Variants in AJAP1 observed in about 807,000 individuals in gnomAD.
The protein encoded by AJAP1 is adherens junctions associated protein 1.
A neutral mutation model predicts 35.0 loss-of-function variants in AJAP1; 5 were observed. That is an observed-to-expected ratio of 0.14 (90% CI 0.07 to 0.30). The LOEUF (loss-of-function observed/expected upper bound fraction) is 0.30. Among genes scored for constraint, AJAP1 ranks in the 10% least tolerant of loss-of-function variants. AJAP1 has a pLI of 1.00. For missense variants in AJAP1, 586 were observed against 571.0 expected (o/e 1.03, Z -0.27); for synonymous variants, 284 against 249.3 (o/e 1.14, Z -1.31).
chr1:4,735,694 C>T (rs562955061), intron 2 of AJAP1, among the ~76,000 whole-genome samples: 11 of 152,122 alleles, frequency 7.2e-5, no homozygotes, highest in Non-Finnish European at 1.6e-4. Flanking sequence ...TCCTCTGCTC[C>T]CTGAAGCCCT....
At position 4,734,874 on chromosome 1, in the gene AJAP1, C is replaced by T. The variant is rs1269230554; in HGVS notation, c.829+22175C>T. ...GCCCGAAACAGTGGCGTTTCCTCTT[C>T]CCCGAGCACTCAGCCTCCATCTGGC... On this transcript the variant is annotated intron_variant, in intron 2 of 5. Coordinates refer to ENST00000378191, the MANE Select transcript of AJAP1 (RefSeq NM_018836.4). This position sits in a 1 kb window ranked among gnomAD's most constrained non-coding sequence, Gnocchi z 4.3. Among the ~76,000 whole-genome samples the T allele has an allele frequency of 6.6e-6, 1 of 152,204 alleles. No homozygotes were observed. Among genetic ancestry groups the T allele is most frequent in the Non-Finnish European group, 1.5e-5 (1 of 68,036 alleles).
intron 2 of AJAP1, among the ~76,000 whole-genome samples, chr1:4,749,678 C>G (rs530814980): frequency 2.0e-5 from 3 of 152,350 alleles, no homozygotes; most frequent in East Asian, 3.9e-4. Flanking sequence ...CACAGTGACC[C>G]CAACTCCTTA....
intron 1 of AJAP1, among the ~76,000 whole-genome samples, chr1:4,694,930 C>G (rs1639824016): frequency 6.6e-6 from 1 of 152,050 alleles, no homozygotes; most frequent in African/African-American, 2.4e-5. Context: ...TTATGGGGAG[C>G]CAGGATGGAA....
intron 2 of AJAP1, among the ~76,000 whole-genome samples, chr1:4,742,281 T>G (rs1400619496): frequency 6.6e-6 from 1 of 152,188 alleles, no homozygotes; most frequent in Non-Finnish European, 1.5e-5. Context: ...GCTGCCTGAT[T>G]GGAGTCGCTG....
chr1:4,702,806 T>TG (rs1640017310), intron 1 of AJAP1, among the ~76,000 whole-genome samples: 1 of 152,152 alleles, frequency 6.6e-6, no homozygotes, highest in Non-Finnish European at 1.5e-5. Context: ...CAGAGCTGTC[T>TG]GGGGAAGCTT....
At chr1:4,687,531 A>C (rs1167648231) in intron 1 of AJAP1, among the ~76,000 whole-genome samples, 1 of 152,204 alleles carries the variant, frequency 6.6e-6, no homozygotes, top group African/African-American at 2.4e-5. Flanking sequence ...AATGTGACCA[A>C]ATAAGACAGA....
intron 2 of AJAP1, among the ~76,000 whole-genome samples, chr1:4,740,458 T>C (rs1024621006): frequency 2.1e-5 from 2 of 95,890 alleles, no homozygotes; most frequent in Non-Finnish European, 4.3e-5. Context: ...TTCCTGACAA[T>C]GTAAATGTGC....
rs1639439026 is a variant in AJAP1, at chr1:4,679,808, G to GT, written c.29+24354_29+24355insT. On this transcript the variant is annotated intron_variant, in intron 1 of 5. Transcript: ENST00000378191. ...TTCTGCTTAGAAACAGAACCAATAG[G>GT]GTGTGTGTGTGTGTGTGTGTGTGTG... Among the ~76,000 whole-genome samples the GT allele has an allele frequency of 8.9e-4, 127 of 142,422 alleles. 1 individual carries two copies. Among genetic ancestry groups the GT allele is most frequent in the Non-Finnish European group, 1.6e-3 (107 of 65,688 alleles). The allele number at this position is 142,422 out of a possible 152,430, so 93.4% of individuals were successfully genotyped here. A position where few individuals can be genotyped will look rare whatever the true frequency, so the allele number is the denominator to read the frequency against.
chr1:4,771,055 G>A (rs1433264343), intron 3 of AJAP1, among the ~76,000 whole-genome samples: 1 of 152,076 alleles, frequency 6.6e-6, no homozygotes, highest in Non-Finnish European at 1.5e-5. Flanking sequence ...CTCGGTGAAG[G>A]GCTTCATCTC....
At position 4,712,010 on chromosome 1, in the gene AJAP1, G is replaced by A. The variant is rs1640255970; in HGVS notation, c.140G>A (p.Gly47Glu). ...CCCGCCTGTGAGGCCCTGGGCCCGG[G>A]GCCGGAGTTCTGGCTCCTGCCGCGG... ...DLPACEALGP[G>E]PEFWLLPRSP... Residue 47 changes from glycine (G) to glutamate (E), a missense_variant, in exon 2 of 6, where the codon GGG becomes GAG. Physicochemically the swap from Gly to Glu is moderately conservative, Grantham distance 98 (BLOSUM62 -2). Transcript: ENST00000378191. The A allele has an allele frequency of 1.3e-6, 2 of 1,595,468 alleles. No homozygotes were observed. Among genetic ancestry groups the A allele is most frequent in the Admixed American group, 1.7e-5 (1 of 57,658 alleles).
At position 4,786,324 on chromosome 1, in the gene AJAP1, TC is replaced by T. The variant is rs1428018784; in HGVS notation, c.*3840del. ...CTTGAGTGGACTTCTCATATTACAT[TC>T]AGCTCCCAGAAATTCACTCCAGTCC... On this transcript the variant is annotated 3_prime_UTR_variant, in exon 6 of 6. Coordinates refer to ENST00000378191, the MANE Select transcript of AJAP1 (RefSeq NM_018836.4). 6.6e-6 allele frequency: 1 copy of T among 152,168 alleles called. No homozygotes were observed. Among genetic ancestry groups the T allele is most frequent in the African/African-American group, 2.4e-5 (1 of 41,452 alleles). The allele number at this position is 152,168 out of a possible 1,614,324, so 9.4% of individuals were successfully genotyped here. A position where few individuals can be genotyped will look rare whatever the true frequency, so the allele number is the denominator to read the frequency against.
intron 1 of AJAP1, among the ~76,000 whole-genome samples, chr1:4,689,907 G>T (rs1355304805): frequency 1.3e-5 from 2 of 152,244 alleles, no homozygotes; most frequent in Non-Finnish European, 1.5e-5. Flanking sequence ...TGGTTCTCTT[G>T]CTTTCCTTCC....
chr1:4,705,311 C>G (rs1183829367), intron 1 of AJAP1, among the ~76,000 whole-genome samples: 4 of 146,022 alleles, frequency 2.7e-5, no homozygotes, highest in Non-Finnish European at 6.0e-5. Flanking sequence ...CATTACCATT[C>G]AGGACATAGG....
At chr1:4,686,568 T>C (rs564712299) in intron 1 of AJAP1, among the ~76,000 whole-genome samples, 1 of 152,354 alleles carries the variant, frequency 6.6e-6, no homozygotes, top group Admixed American at 6.5e-5. Flanking sequence ...ACACTAATTC[T>C]GCGGGAGCGC....
intron 2 of AJAP1, among the ~76,000 whole-genome samples, chr1:4,724,677 C>T (rs956578939): frequency 3.5e-5 from 4 of 115,062 alleles, no homozygotes; most frequent in Non-Finnish European, 6.4e-5. Context: ...AGATCCTGCA[C>T]CTGCTGTGCC....
intron 2 of AJAP1, among the ~76,000 whole-genome samples, chr1:4,729,819 G>C (rs926277158): frequency 6.6e-6 from 1 of 152,190 alleles, no homozygotes; most frequent in Non-Finnish European, 1.5e-5. Context: ...CATTGCACTT[G>C]TTGTTGGATT....
rs1471815927 is a variant in AJAP1, at chr1:4,790,049, C to T, written c.*7564C>T. 1 of 152,218 alleles carries T rather than the reference C, an allele frequency of 6.6e-6. No individual in the cohort carries two copies. The highest frequency in any genetic ancestry group is 1.5e-5 in the Non-Finnish European group (1 of 68,098). The allele number at this position is 152,218 out of a possible 1,614,324, so 9.4% of individuals were successfully genotyped here. On this transcript the variant is annotated 3_prime_UTR_variant, in exon 6 of 6. Transcript: ENST00000378191. Reference sequence around the variant, plus strand: ...AAAATTCGAAACCCACTGTGACACCCCAACCCTAATTTCCAACCTTTGGAG... The same window carrying T: ...AAAATTCGAAACCCACTGTGACACCTCAACCCTAATTTCCAACCTTTGGAG...
chr1:4,763,336 C>T (rs1029401463), intron 2 of AJAP1, among the ~76,000 whole-genome samples: 1 of 152,228 alleles, frequency 6.6e-6, no homozygotes, highest in African/African-American at 2.4e-5. Flanking sequence ...TGTGAGATGT[C>T]AGCAAAGCAT....
At chr1:4,705,578 G>T (rs769569256) in intron 1 of AJAP1, among the ~76,000 whole-genome samples, 1 of 151,446 alleles carries the variant, frequency 6.6e-6, no homozygotes, top group African/African-American at 2.4e-5. Flanking sequence ...CAGCAGGGAG[G>T]GGTCCTGTTG....
Sources: allele counts gnomAD v4.1 joint callset (sites outside exome capture counted in the v4.1 genomes callset), GRCh38; gene constraint gnomAD v4.1.1; non-coding constraint Gnocchi (gnomAD v3.1); transcripts MANE v1.5; gene names NCBI Gene and HGNC (gene_info 2026-07-23, HGNC 2026-07-21).